The following CAMTA1 variants were observed in gnomAD, a reference collection of about 807,000 sequenced individuals.
CAMTA1 encodes the protein calmodulin binding transcription activator 1, also known as calmodulin-binding transcription activator 1.
In CAMTA1, 27 loss-of-function variants were observed where a neutral mutation model predicts 170.9. That is an observed-to-expected ratio of 0.16 (90% CI 0.12 to 0.22). The LOEUF (loss-of-function observed/expected upper bound fraction) is 0.22. Among genes scored for constraint, CAMTA1 ranks in the 10% least tolerant of loss-of-function variants. CAMTA1 has a pLI of 1.00. For synonymous variants in CAMTA1, 833 were observed against 891.5 expected (o/e 0.93, Z 1.17); for missense variants, 1,619 against 2,217.2 (o/e 0.73, Z 5.42).
chr1:6,871,471 A>G (rs1047893186), intron 3 of CAMTA1, among the ~76,000 whole-genome samples: 1 of 152,248 alleles, frequency 6.6e-6, no homozygotes, highest in African/African-American at 2.4e-5. Flanking sequence ...TTGGCAACTT[A>G]TCAAACACTG....
chr1:7,468,615 G>T (rs1359867599), intron 6 of CAMTA1, among the ~76,000 whole-genome samples: 2 of 152,228 alleles, frequency 1.3e-5, no homozygotes, highest in African/African-American at 4.8e-5. Flanking sequence ...AGTCGGACTA[G>T]ACATAGGTCC....
At chr1:7,415,680 T>G (rs2091111375) in intron 5 of CAMTA1, among the ~76,000 whole-genome samples, 1 of 152,350 alleles carries the variant, frequency 6.6e-6, no homozygotes, top group African/African-American at 2.4e-5. Flanking sequence ...GTTTCCTGAA[T>G]ACAGCACACT....
chr1:7,551,325 T>G (rs1203636123), intron 6 of CAMTA1, among the ~76,000 whole-genome samples: 1 of 152,178 alleles, frequency 6.6e-6, no homozygotes, highest in East Asian at 1.9e-4. Context: ...CATGTGTGTG[T>G]GTGCACATGT....
chr1:7,409,396 C>T (rs1173778824), intron 5 of CAMTA1, among the ~76,000 whole-genome samples: 2 of 152,246 alleles, frequency 1.3e-5, no homozygotes, highest in Admixed American at 6.5e-5. Context: ...CCATCCTGCC[C>T]CTCTGGCCAC....
chr1:6,921,713 A>ACTCCT (rs1682050269), intron 3 of CAMTA1, among the ~76,000 whole-genome samples: 1 of 152,262 alleles, frequency 6.6e-6, no homozygotes, highest in Non-Finnish European at 1.5e-5. Context: ...GTCACATCTT[A>ACTCCT]CATGGATGGT....
chr1:7,451,747 C>T (rs1250143610), intron 5 of CAMTA1, among the ~76,000 whole-genome samples: 1 of 152,166 alleles, frequency 6.6e-6, no homozygotes, highest in Admixed American at 6.5e-5. Flanking sequence ...AACCTCAGCC[C>T]TCAGAGCTCC....
chr1:7,056,102 C>T (rs920220943), intron 3 of CAMTA1, among the ~76,000 whole-genome samples: 3 of 152,110 alleles, frequency 2.0e-5, no homozygotes, highest in African/African-American at 7.2e-5. Flanking sequence ...TCACTACACT[C>T]GATATGGGTG....
At position 7,663,571 on chromosome 1, in the gene CAMTA1, G is replaced by T. The variant is rs1302737834; in HGVS notation, c.1024G>T (p.Glu342Ter). 6.2e-7 allele frequency: 1 copy of T among 1,613,346 alleles called. No homozygotes were observed. The highest frequency in any genetic ancestry group is 1.3e-5 in the African/African-American group (1 of 74,902). ...CGTGCTCCTGCACCAGAGCAGCACCGAGGTCTCCTCCACCAACCAGGTGGA... is the reference window on the plus strand; with the variant it reads ...CGTGCTCCTGCACCAGAGCAGCACCTAGGTCTCCTCCACCAACCAGGTGGA... ...KPVLLHQSST[E>*]VSSTNQVEVP... The change falls in exon 9 of 23, where the codon GAG becomes TAG. Residue 342 changes from glutamate (E) to a stop codon, truncating the protein, a stop_gained. Coordinates refer to ENST00000303635, the MANE Select transcript of CAMTA1 (RefSeq NM_015215.4). LOFTEE classifies it high-confidence loss of function.
chr1:7,545,848 C>T (rs191478571), intron 6 of CAMTA1, among the ~76,000 whole-genome samples: 1 of 152,258 alleles, frequency 6.6e-6, no homozygotes, highest in East Asian at 1.9e-4. Context: ...TCCCCACCCC[C>T]ACCACCAGGC....
At chr1:7,373,386 C>A (rs188774182) in intron 5 of CAMTA1, among the ~76,000 whole-genome samples, 3 of 152,216 alleles carry the variant, frequency 2.0e-5, no homozygotes, top group Non-Finnish European at 4.4e-5. Flanking sequence ...CAGGGAGCCC[C>A]GAGTTGGCTG....
intron 6 of CAMTA1, among the ~76,000 whole-genome samples, chr1:7,630,539 C>A (rs760808666): frequency 1.2e-4 from 18 of 152,372 alleles, no homozygotes; most frequent in Admixed American, 6.5e-5. Flanking sequence ...GTAACAGCAG[C>A]AGCACTCAGC....
chr1:7,723,461 T>C (rs2096662462), intron 11 of CAMTA1, among the ~76,000 whole-genome samples: 1 of 152,144 alleles, frequency 6.6e-6, no homozygotes, highest in African/African-American at 2.4e-5. Flanking sequence ...TAAGGACAAA[T>C]CTTCCTTACA....
chr1:7,143,170 G>A (rs913962998), intron 4 of CAMTA1, among the ~76,000 whole-genome samples: 19 of 152,260 alleles, frequency 1.2e-4, no homozygotes, highest in Middle Eastern at 3.4e-3. Context: ...AGGTGGGGTC[G>A]TCAGCAGCAA....
At chr1:7,040,823 T>G (rs1368885245) in intron 3 of CAMTA1, among the ~76,000 whole-genome samples, 1 of 151,792 alleles carries the variant, frequency 6.6e-6, no homozygotes, top group Non-Finnish European at 1.5e-5. Context: ...CCTCCCTGGT[T>G]GAAGCGATTC....
intron 3 of CAMTA1, among the ~76,000 whole-genome samples, chr1:6,985,347 C>G (rs1484169728): frequency 6.6e-6 from 1 of 152,238 alleles, no homozygotes; most frequent in Non-Finnish European, 1.5e-5. Flanking sequence ...ATCTCTGCTC[C>G]TCTCCACAGC....
chr1:6,905,400 G>T (rs1333383026), intron 3 of CAMTA1, among the ~76,000 whole-genome samples: 1 of 151,956 alleles, frequency 6.6e-6, no homozygotes, highest in Non-Finnish European at 1.5e-5. Context: ...CACCATGTTG[G>T]CCAGGGCTGG....
At chr1:7,158,972 G>A (rs1012082966) in intron 4 of CAMTA1, among the ~76,000 whole-genome samples, 2 of 151,990 alleles carry the variant, frequency 1.3e-5, no homozygotes, top group South Asian at 4.2e-4. Context: ...GGGGTGAGGT[G>A]GGGGTGGGGT....
chr1:7,100,411 C>T (rs376229821), intron 4 of CAMTA1, among the ~76,000 whole-genome samples: 1 of 152,304 alleles, frequency 6.6e-6, no homozygotes, highest in African/African-American at 2.4e-5. Context: ...AGAGTCGTGC[C>T]GAGTGGGACC....
chr1:7,287,298 C>A (rs1672484437), intron 5 of CAMTA1, among the ~76,000 whole-genome samples: 4 of 152,102 alleles, frequency 2.6e-5, no homozygotes, highest in African/African-American at 9.7e-5. Context: ...GAGAATATGG[C>A]CATCATTGTG....
Sources: gnomAD v4.1 joint callset for allele counts (sites outside exome capture counted in the v4.1 genomes callset) on GRCh38, gnomAD v4.1.1 for gene constraint, MANE v1.5 for transcripts, NCBI Gene and HGNC (gene_info 2026-07-23, HGNC 2026-07-21) for gene names.